Variants in NECAP2 observed in about 807,000 individuals in gnomAD.
The protein encoded by NECAP2 is adaptin ear-binding coat-associated protein 2.
In NECAP2, 38 loss-of-function variants were observed where a neutral mutation model predicts 37.8. The observed-to-expected ratio is 1.01, with a 90% CI of 0.78 to 1.32. The LOEUF (loss-of-function observed/expected upper bound fraction) is 1.32. NECAP2 is among the 40% of genes most tolerant of loss of function. The pLI is 0.00. For missense variants in NECAP2, 316 were observed against 334.5 expected (o/e 0.94, Z 0.43); for synonymous variants, 121 against 127.7 (o/e 0.95, Z 0.35).
At chr1:16,445,880 G>A (rs1432898202) in intron 2 of NECAP2, among the ~76,000 whole-genome samples, 1 of 151,922 alleles carries the variant, frequency 6.6e-6, no homozygotes, top group African/African-American at 2.4e-5. Flanking sequence ...CTCCAGCCTG[G>A]GTGACAGAGC....
chr1:16,446,448 A>T (rs918554950), intron 2 of NECAP2, among the ~76,000 whole-genome samples: 7 of 152,170 alleles, frequency 4.6e-5, no homozygotes, highest in Admixed American at 1.3e-4. Context: ...ATTCCCAGCT[A>T]CGTGAGAGGC....
Position 16,440,788 on chromosome 1 carries a change from G to C in NECAP2, c.27G>C (p.Val9=), listed in dbSNP as rs201619105. 3 of 1,614,206 alleles carry C rather than the reference G, an allele frequency of 1.9e-6. No homozygotes were observed. The highest frequency in any genetic ancestry group is 2.2e-5 in the East Asian group (1 of 44,878). The stretch of plus-strand genomic sequence containing the variant: ...TGGAGGAGAGCGGGTACGAGTCGGT[G>C]CTCTGTGTCAAGCCTGACGTCCACG... MEESGYES[V]LCVKPDVHVY... Residue 9 remains valine (V), a synonymous_variant, in exon 1 of 8, where the codon GTG becomes GTC. Transcript: ENST00000337132.
At chr1:16,447,062 G>GA (rs57135732) in intron 2 of NECAP2, among the ~76,000 whole-genome samples, 61 of 133,250 alleles carry the variant, frequency 4.6e-4, no homozygotes, top group East Asian at 1.5e-3. Context: ...TCCATCTCAG[G>GA]AAAAAAAAAA....
At chr1:16,454,445 T>C (rs2086890032) in intron 6 of NECAP2, among the ~76,000 whole-genome samples, 2 of 152,014 alleles carry the variant, frequency 1.3e-5, no homozygotes, top group African/African-American at 4.8e-5. Context: ...AACCTCCGCT[T>C]CCTGGGTTCA....
At position 16,449,109 on chromosome 1, in the gene NECAP2, T is replaced by G; in HGVS notation, c.397T>G (p.Cys133Gly). ...TCTCCCCAGGTGGGTGAAACAGCAGTGTGAATTTGCAAAACAAGCCCAGAA... is the reference window on the plus strand; with the variant it reads ...TCTCCCCAGGTGGGTGAAACAGCAGGGTGAATTTGCAAAACAAGCCCAGAA... ...QDHFKWVKQQCEFAKQAQNPD... is the reference protein window; with the variant it reads ...QDHFKWVKQQGEFAKQAQNPD... The change falls in exon 5 of 8, where the codon TGT becomes GGT. Residue 133 changes from cysteine (C) to glycine (G), a missense_variant. Cys to Gly is a radical substitution (Grantham distance 159). This residue lies in a region of NECAP2 where 204 missense variants were observed against 188.6 expected (regional missense o/e 1.08). Coordinates refer to ENST00000337132, the MANE Select transcript of NECAP2 (RefSeq NM_018090.5). 1.2e-6 allele frequency: 2 copies of G among 1,612,728 alleles called. No homozygotes were observed. The highest frequency in any genetic ancestry group is 8.5e-7 in the Non-Finnish European group (1 of 1,179,432).
chr1:16,455,789 C>T (rs2086908122), intron 6 of NECAP2, 29 bp from the exon 7 acceptor site: 1 of 1,594,992 alleles, frequency 6.3e-7, no homozygotes, highest in Non-Finnish European at 8.6e-7. Flanking sequence ...TCTTCTCTTC[C>T]TACGGGTCGG....
At chr1:16,447,291 C>G (rs2086777822) in intron 2 of NECAP2, among the ~76,000 whole-genome samples, 2 of 117,380 alleles carry the variant, frequency 1.7e-5, no homozygotes, top group Non-Finnish European at 3.4e-5. Flanking sequence ...CTGTAGTTGA[C>G]AAGGTGATGT....
At chr1:16,453,410 T>C (rs571127258) in intron 6 of NECAP2, among the ~76,000 whole-genome samples, 121 of 151,872 alleles carry the variant, frequency 8.0e-4, no homozygotes, top group African/African-American at 2.7e-3. Context: ...CACCCGGCCC[T>C]TATGTTTGTT....
At chr1:16,457,610 C>T (rs1188020170) in intron 7 of NECAP2, among the ~76,000 whole-genome samples, 2 of 151,920 alleles carry the variant, frequency 1.3e-5, no homozygotes, top group African/African-American at 2.4e-5. Flanking sequence ...ATTATTTTTG[C>T]ATCGCTCTAG....
At chr1:16,457,182 G>A (rs1343109714) in intron 7 of NECAP2, among the ~76,000 whole-genome samples, 6 of 152,190 alleles carry the variant, frequency 3.9e-5, no homozygotes, top group African/African-American at 1.2e-4. Context: ...TGGGCTGGGC[G>A]CGGTGGCTCA....
At chr1:16,458,667 A>G (rs1308601014) in intron 7 of NECAP2, among the ~76,000 whole-genome samples, 175 bp from the exon 8 acceptor site, 4 of 152,124 alleles carry the variant, frequency 2.6e-5, no homozygotes, top group Admixed American at 2.0e-4. Context: ...TTTAAAAAAA[A>G]AAAACCATCG....
intron 1 of NECAP2, 61 bp downstream of exon 1, chr1:16,440,914 A>G (rs1273872567): frequency 2.1e-5 from 31 of 1,443,522 alleles, no homozygotes; most frequent in Non-Finnish European, 1.7e-5. Context: ...CCACCCGGAC[A>G]CACCCACTGC....
At chr1:16,442,855 G>A (rs561188192) in intron 1 of NECAP2, among the ~76,000 whole-genome samples, 1 of 152,268 alleles carries the variant, frequency 6.6e-6, no homozygotes, top group South Asian at 2.1e-4. Flanking sequence ...TCAGGAGGTT[G>A]AGGCTTCAGT....
In NECAP2 at chr1:16,441,166, C is replaced by G. The variant is rs1001585970; in HGVS notation, c.92+313C>G. The stretch of plus-strand genomic sequence containing the variant: ...GATGTCACAGACGCTTCTCTTTCAG[C>G]GCTAACCGGTGGCCTTGAAGGGATC... On this transcript the variant is annotated intron_variant, in intron 1 of 7. Coordinates refer to ENST00000337132, the MANE Select transcript of NECAP2 (RefSeq NM_018090.5). The G allele has an allele frequency of 1.3e-5, 5 of 390,238 alleles. No individual in the cohort carries two copies. In the South Asian group the frequency reaches 1.9e-4, roughly 15 times the overall value. The allele number at this position is 390,238 out of a possible 1,614,324, so 24.2% of individuals were successfully genotyped here.
intron 6 of NECAP2, among the ~76,000 whole-genome samples, chr1:16,452,437 A>G (rs1285855854): frequency 6.6e-6 from 1 of 152,116 alleles, no homozygotes; most frequent in African/African-American, 2.4e-5. Context: ...GGTTTCATGA[A>G]AGAGGTGACA....
At chr1:16,458,416 A>T (rs994314453) in intron 7 of NECAP2, among the ~76,000 whole-genome samples, 12 of 152,058 alleles carry the variant, frequency 7.9e-5, no homozygotes, top group African/African-American at 2.9e-4. Flanking sequence ...AGCCTGGGCA[A>T]CATGGCAAAA....
chr1:16,456,022 T>TTA, intron 7 of NECAP2, 129 bp downstream of exon 7: 5 of 654,222 alleles, frequency 7.6e-6, no homozygotes, highest in Non-Finnish European at 1.3e-5. Flanking sequence ...ATGTTTTCTT[T>TTA]TCTTTTTTTT....
At chr1:16,457,707 G>GTTTTT (rs56863489) in intron 7 of NECAP2, among the ~76,000 whole-genome samples, 7 of 105,462 alleles carry the variant, frequency 6.6e-5, no homozygotes, top group African/African-American at 1.1e-4. Context: ...TAGTAATTCT[G>GTTTTT]TTTTTTTTTT....
chr1:16,444,019 T>C (rs1037887365), intron 2 of NECAP2, among the ~76,000 whole-genome samples: 3 of 152,116 alleles, frequency 2.0e-5, no homozygotes, highest in Non-Finnish European at 2.9e-5. Context: ...TGGTAGGAAG[T>C]AGGAAGCCCT....
Sources: gnomAD v4.1 joint callset for allele counts (sites outside exome capture counted in the v4.1 genomes callset) on GRCh38, gnomAD v4.1.1 for gene constraint, gnomAD v4.1.1 regional missense constraint, MANE v1.5 for transcripts, NCBI Gene and HGNC (gene_info 2026-07-23, HGNC 2026-07-21) for gene names.